C9orf85: variants seen among roughly 807,000 people sequenced by gnomAD.
C9orf85 encodes uncharacterized protein C9orf85.
Under a neutral mutation model 14.9 loss-of-function variants are expected in C9orf85, and 16 were observed. The observed-to-expected ratio is 1.08, with a 90% CI of 0.73 to 1.63. The LOEUF is 1.63. Among genes scored for constraint, C9orf85 ranks in the 40% most tolerant of loss-of-function variants. C9orf85 has a pLI of 0.00. For missense variants in C9orf85, 172 were observed against 186.1 expected (o/e 0.92, Z 0.44); for synonymous variants, 45 against 56.8 (o/e 0.79, Z 0.93).
intron 1 of C9orf85, among the ~76,000 whole-genome samples, chr9:71,942,946 T>C (rs1589256980): frequency 6.6e-6 from 1 of 151,658 alleles, no homozygotes; most frequent in East Asian, 1.9e-4. Context: ...AGTCAGATTT[T>C]CACATTATTG....
At chr9:71,914,129 T>G (rs971361733) in intron 1 of C9orf85, among the ~76,000 whole-genome samples, 13 of 152,216 alleles carry the variant, frequency 8.5e-5, no homozygotes, top group African/African-American at 2.4e-4. Context: ...CAGAAGCATC[T>G]GATCCTAACT....
intron 1 of C9orf85, among the ~76,000 whole-genome samples, chr9:71,916,019 G>A (rs912786202): frequency 2.0e-5 from 3 of 152,200 alleles, no homozygotes; most frequent in African/African-American, 7.2e-5. Context: ...ATAGGGTTGA[G>A]CAAAATATAC....
chr9:71,972,853 T>C lies in C9orf85; in HGVS notation c.*11T>C, dbSNP rs201370382. The C allele has an allele frequency of 6.3e-7, 1 of 1,596,864 alleles. No individual in the cohort carries two copies. Among genetic ancestry groups the C allele is most frequent in the South Asian group, 1.1e-5 (1 of 88,914 alleles). On this transcript the variant is annotated 3_prime_UTR_variant, in exon 4 of 4. Transcript: ENST00000334731. ...CATCAAATGAATTAATATCACTGTATTAAAAGTCTGCCGGGCACAGTGGCT... is the reference window on the plus strand; with the variant it reads ...CATCAAATGAATTAATATCACTGTACTAAAAGTCTGCCGGGCACAGTGGCT...
chr9:71,943,944 A>T (rs1274521317), intron 1 of C9orf85, among the ~76,000 whole-genome samples: 2 of 148,974 alleles, frequency 1.3e-5, no homozygotes, highest in Admixed American at 6.7e-5. Context: ...TCTAAAATAT[A>T]TGTTGTATAG....
chr9:71,940,681 T>C (rs1198557621), intron 1 of C9orf85, among the ~76,000 whole-genome samples: 1 of 152,178 alleles, frequency 6.6e-6, no homozygotes, highest in Non-Finnish European at 1.5e-5. Flanking sequence ...TAGTTTCTTA[T>C]AAAATTAAGC....
intron 2 of C9orf85, among the ~76,000 whole-genome samples, chr9:71,961,476 G>T (rs758383827): frequency 6.6e-6 from 1 of 152,000 alleles, no homozygotes; most frequent in African/African-American, 2.4e-5. Context: ...CAGGAGAATC[G>T]CTTGAACCTG....
At chr9:71,977,244 C>G (rs1451818873), downstream of C9orf85, among the ~76,000 whole-genome samples, 1 of 152,052 alleles carries the variant, frequency 6.6e-6, no homozygotes, top group East Asian at 1.9e-4. Flanking sequence ...AATTACACGT[C>G]TCATTAGACA....
intron 2 of C9orf85, among the ~76,000 whole-genome samples, chr9:71,957,468 A>G (rs1822409387): frequency 6.6e-6 from 1 of 152,210 alleles, no homozygotes; most frequent in East Asian, 1.9e-4. Flanking sequence ...TGCAAAGAAC[A>G]TAATAAATTA....
intron 1 of C9orf85, among the ~76,000 whole-genome samples, chr9:71,943,702 C>T (rs552969073): frequency 5.9e-5 from 9 of 151,888 alleles, no homozygotes; most frequent in African/African-American, 1.9e-4. Context: ...GCCAGCACCC[C>T]GGCTAATTTT....
chr9:71,971,859 A>G (rs1163470262), intron 3 of C9orf85, among the ~76,000 whole-genome samples: 1 of 151,936 alleles, frequency 6.6e-6, no homozygotes, highest in Non-Finnish European at 1.5e-5. Flanking sequence ...CTGTAATCCC[A>G]ATTACTCGGG....
At chr9:71,927,835 C>T (rs1827967433) in intron 1 of C9orf85, among the ~76,000 whole-genome samples, 2 of 152,088 alleles carry the variant, frequency 1.3e-5, no homozygotes, top group South Asian at 4.1e-4. Context: ...CGGGGTTTCT[C>T]CTCTCTGTAA....
At chr9:71,925,349 C>T (rs921446561) in intron 1 of C9orf85, among the ~76,000 whole-genome samples, 3 of 152,078 alleles carry the variant, frequency 2.0e-5, no homozygotes, top group Non-Finnish European at 4.4e-5. Context: ...GGTGAAACCC[C>T]GTCCCTACTA....
chr9:71,945,654 T>G (rs1465269763), intron 1 of C9orf85, among the ~76,000 whole-genome samples: 1 of 152,244 alleles, frequency 6.6e-6, no homozygotes, highest in Admixed American at 6.5e-5. Context: ...ATCTTTTTGT[T>G]TAGAACTTTC....
intron 2 of C9orf85, among the ~76,000 whole-genome samples, chr9:71,950,036 A>T (rs1200282303): frequency 1.3e-5 from 2 of 152,140 alleles, no homozygotes; most frequent in Non-Finnish European, 2.9e-5. Flanking sequence ...CATCAGTCTA[A>T]ACATATTACT....
chr9:71,982,370 A>G (rs1234227360), intron 3 of C9orf85, among the ~76,000 whole-genome samples: 1 of 152,028 alleles, frequency 6.6e-6, no homozygotes, highest in African/African-American at 2.4e-5. Flanking sequence ...CTTTGTGTGG[A>G]CATATGTTTT....
At chr9:71,968,422 A>C (rs2132353900) in intron 2 of C9orf85, among the ~76,000 whole-genome samples, 1 of 138,456 alleles carries the variant, frequency 7.2e-6, no homozygotes, top group East Asian at 2.0e-4. Context: ...GTTTTCCTTA[A>C]AAAAAAAAAA....
intron 2 of C9orf85, among the ~76,000 whole-genome samples, chr9:71,949,923 G>A (rs999586679): frequency 6.6e-6 from 1 of 152,234 alleles, no homozygotes; most frequent in Non-Finnish European, 1.5e-5. Context: ...CTTCAGGGGT[G>A]GATCAGAGAG....
intron 3 of C9orf85, among the ~76,000 whole-genome samples, chr9:71,979,838 A>G (rs1279792272): frequency 1.3e-5 from 2 of 152,228 alleles, no homozygotes; most frequent in East Asian, 3.8e-4. Flanking sequence ...CTAAAAATAG[A>G]AAGTGAATTA....
intron 2 of C9orf85, among the ~76,000 whole-genome samples, chr9:71,949,678 A>C (rs1822196447): frequency 6.6e-6 from 1 of 152,200 alleles, no homozygotes; most frequent in South Asian, 2.1e-4. Context: ...GAAATGGGTA[A>C]ACCTGTGTGG....
Sources: gnomAD v4.1 joint callset for allele counts (sites outside exome capture counted in the v4.1 genomes callset) on GRCh38, gnomAD v4.1.1 for gene constraint, MANE v1.5 for transcripts, NCBI Gene and HGNC (gene_info 2026-07-23, HGNC 2026-07-21) for gene names.